Variants in SAMD3 observed in about 807,000 individuals in gnomAD.
SAMD3 encodes the protein sterile alpha motif domain containing 3, also known as sterile alpha motif domain-containing protein 3.
Under a neutral mutation model 58.5 loss-of-function variants are expected in SAMD3, and 63 were observed. The observed-to-expected ratio is 1.08, with a 90% confidence interval of 0.88 to 1.33. The LOEUF (loss-of-function observed/expected upper bound fraction) is 1.33. SAMD3 is among the 40% of genes most tolerant of loss of function. The probability of loss-of-function intolerance (pLI) is 0.00; values close to 1 mark genes in which losing one functional copy is unlikely to be tolerated. For missense variants in SAMD3, 604 were observed against 608.4 expected, an observed-to-expected ratio of 0.99 and a Z score of 0.08; for synonymous variants, 220 against 210.3, an observed-to-expected ratio of 1.05 and a Z score of -0.40.
chr6:130,364,701 C>CT (rs1186038541), intron 1 of SAMD3, among the ~76,000 whole-genome samples: 1 of 151,834 alleles, frequency 6.6e-6, no homozygotes, highest in Non-Finnish European at 1.5e-5. Flanking sequence ...GTTTTCTTTT[C>CT]TTTCTTTTTA....
chr6:130,286,940 C>A (rs147073631), intron 2 of SAMD3, among the ~76,000 whole-genome samples: 1 of 152,152 alleles, frequency 6.6e-6, no homozygotes, highest in Non-Finnish European at 1.5e-5. Context: ...AAACTCCTGA[C>A]CTCAAAGAAT....
chr6:130,238,921 G>C (rs1486031234), intron 2 of SAMD3, among the ~76,000 whole-genome samples: 1 of 152,024 alleles, frequency 6.6e-6, no homozygotes, highest in Non-Finnish European at 1.5e-5. Context: ...ACCACACCTG[G>C]CTAATTTTTT....
At chr6:130,189,659 C>G (rs935046908) in intron 5 of SAMD3, among the ~76,000 whole-genome samples, 1 of 152,216 alleles carries the variant, frequency 6.6e-6, no homozygotes, top group Non-Finnish European at 1.5e-5. Context: ...TGCTACTACA[C>G]TAATCCAAGT....
chr6:130,206,228 G>T (rs1252900130), intron 5 of SAMD3, among the ~76,000 whole-genome samples: 1 of 152,244 alleles, frequency 6.6e-6, no homozygotes, highest in Non-Finnish European at 1.5e-5. Context: ...GAAAGACAGA[G>T]TCAGTTGGCT....
chr6:130,192,161 T>A (rs983980298), intron 5 of SAMD3, among the ~76,000 whole-genome samples: 1 of 152,212 alleles, frequency 6.6e-6, no homozygotes, highest in African/African-American at 2.4e-5. Flanking sequence ...TACGTCCTTG[T>A]TGAATGAAAT....
intron 1 of SAMD3, among the ~76,000 whole-genome samples, chr6:130,364,203 A>G (rs1778065605): frequency 6.6e-6 from 1 of 152,142 alleles, no homozygotes; most frequent in Non-Finnish European, 1.5e-5. Flanking sequence ...ATCTGAGTTC[A>G]TAGTTCATAA....
chr6:130,220,477 C>T lies in SAMD3; in HGVS notation c.-68+2217G>A, dbSNP rs149079468. 2.0e-4 allele frequency among the ~76,000 whole-genome samples: 30 copies of T among 152,308 alleles called. No individual in the cohort carries two copies. The East Asian group carries it at 5.0e-3, about 25-fold the overall frequency. On this transcript the variant is annotated intron_variant, in intron 1 of 11. Transcript: ENST00000439090. ...TTTATCCCTGCTTCTGCCTCGTTGA[C>T]AGCCAAAGCTTATGGTTCAGCAACA...
At chr6:130,164,528 T>C (rs1413395952) in intron 8 of SAMD3, among the ~76,000 whole-genome samples, 2 of 152,022 alleles carry the variant, frequency 1.3e-5, no homozygotes, top group East Asian at 1.9e-4. Flanking sequence ...CACAGGAGAA[T>C]CACAGAGAAG....
chr6:130,239,507 A>G (rs1186609203), intron 2 of SAMD3, among the ~76,000 whole-genome samples: 3 of 152,190 alleles, frequency 2.0e-5, no homozygotes. Context: ...ATTTATAATC[A>G]ACTCTATAAA....
At chr6:130,247,594 C>T (rs1366347685) in intron 2 of SAMD3, among the ~76,000 whole-genome samples, 1 of 151,790 alleles carries the variant, frequency 6.6e-6, no homozygotes, top group Non-Finnish European at 1.5e-5. Context: ...TGTAATGATA[C>T]AAAAACACAA....
intron 1 of SAMD3, among the ~76,000 whole-genome samples, chr6:130,333,839 CCATGCCACATGG>C (rs1777017892): frequency 1.3e-5 from 2 of 152,208 alleles, no homozygotes; most frequent in South Asian, 4.1e-4. Flanking sequence ...CTCTCTGCTT[CCATGCCACATGG>C]AGGCCCAGGA....
intron 1 of SAMD3, among the ~76,000 whole-genome samples, chr6:130,352,092 T>C (rs578200827): frequency 7.0e-4 from 106 of 150,858 alleles, no homozygotes; most frequent in Non-Finnish European, 1.2e-3. Flanking sequence ...AGGGATAGTA[T>C]TAGGAGAAAT....
At chr6:130,158,420 T>C (rs1789985075) in intron 8 of SAMD3, among the ~76,000 whole-genome samples, 1 of 151,676 alleles carries the variant, frequency 6.6e-6, no homozygotes, top group African/African-American at 2.4e-5. Flanking sequence ...AGAGATGGCA[T>C]CACGAATCTG....
At chr6:130,144,976 G>A (rs994400628) in intron 11 of SAMD3, among the ~76,000 whole-genome samples, 172 bp from the exon 12 acceptor site, 5 of 151,992 alleles carry the variant, frequency 3.3e-5, no homozygotes, top group South Asian at 2.1e-4. Context: ...ATAAGTTATC[G>A]CGGTTGGGCT....
Position 130,184,165 on chromosome 6 carries a change from T to C in SAMD3, c.592A>G (p.Asn198Asp), listed in dbSNP as rs776378226. 1.6e-5 allele frequency: 26 copies of C among 1,613,632 alleles called. No homozygotes were observed. The Admixed American group carries it at 3.3e-4, about 21-fold the overall frequency. The change falls in exon 7 of 12, where the codon AAT (asparagine) becomes GAT (aspartate). Residue 198 changes from asparagine (N) to aspartate (D), a missense_variant. Transcript: ENST00000439090. ...TGCAGCAGGGCATTAACCACGTCATTGTACTGCTGGGTGCTGGGGTACCTG... is the reference window on the plus strand; with the variant it reads ...TGCAGCAGGGCATTAACCACGTCATCGTACTGCTGGGTGCTGGGGTACCTG... The part of the protein sequence containing the change: ...GSLYPSTQQY[N>D]DVVNALLQAH...
Position 130,146,071 on chromosome 6 carries a change from A to T in SAMD3, c.1134T>A (p.Asn378Lys). The change falls in exon 10 of 12, where the codon AAT becomes AAA. Residue 378 changes from asparagine to lysine, a missense_variant. Coordinates refer to ENST00000439090, the MANE Select transcript of SAMD3 (RefSeq NM_001017373.4). ...TTTCTTGCAATACAATATTGATTGG[A>T]TTGTCCACCACTGAAAAAGAAGTCA... ...NILTSFSVVDNPINIVLQEKM... is the reference protein window; with the variant it reads ...NILTSFSVVDKPINIVLQEKM... 1 of 1,596,906 alleles carries T rather than the reference A, an allele frequency of 6.3e-7. No individual in the cohort carries two copies. Among genetic ancestry groups the T allele is most frequent in the Middle Eastern group, 1.7e-4 (1 of 6,008 alleles).
rs780964740 is a variant in SAMD3, at chr6:130,144,775, A to C, written c.1308T>G (p.Val436=). Residue 436 remains valine (V), a synonymous_variant, in exon 12 of 12, where the codon GTT becomes GTG. Transcript: ENST00000439090. ...QVQVSTPVLE[V]KNPFNMEVCE... Reference sequence around the variant, plus strand: ...AGACCTCCATGTTGAAAGGGTTTTTAACTTCCAACACAGGTGTGGACACTT... The same window carrying C: ...AGACCTCCATGTTGAAAGGGTTTTTCACTTCCAACACAGGTGTGGACACTT... 3 of 1,613,974 alleles carry C rather than the reference A, an allele frequency of 1.9e-6. No individual in the cohort carries two copies. In the Admixed American group the frequency reaches 5.0e-5, roughly 27 times the overall value.
chr6:130,181,311 C>G (rs1288873324), intron 7 of SAMD3, among the ~76,000 whole-genome samples: 3 of 152,026 alleles, frequency 2.0e-5, no homozygotes, highest in South Asian at 2.1e-4. Context: ...GTTTGTGCAC[C>G]CTTTTTCTTT....
intron 1 of SAMD3, among the ~76,000 whole-genome samples, chr6:130,327,608 A>C (rs1371660749): frequency 6.6e-6 from 1 of 152,196 alleles, no homozygotes; most frequent in Non-Finnish European, 1.5e-5. Flanking sequence ...GTAAATGGTC[A>C]ACTTGGCATG....
Sources: gnomAD v4.1 joint callset for allele counts (sites outside exome capture counted in the v4.1 genomes callset) on GRCh38, gnomAD v4.1.1 for gene constraint, MANE v1.5 for transcripts, NCBI Gene and HGNC (gene_info 2026-07-23, HGNC 2026-07-21) for gene names.